The following RBFOX1 variants were observed in gnomAD, a reference collection of about 807,000 sequenced individuals.
RBFOX1 encodes RNA binding fox-1 homolog 1, also known as RNA binding protein fox-1 homolog 1.
A neutral mutation model predicts 57.7 loss-of-function variants in RBFOX1; 8 were observed. The ratio of observed to expected loss-of-function variants is 0.14; its 90% confidence interval spans 0.08 to 0.25. The LOEUF (loss-of-function observed/expected upper bound fraction) is 0.25. Ranked by LOEUF, RBFOX1 falls within the 10% of genes least tolerant of loss-of-function variation. The pLI, the probability that RBFOX1 is intolerant of heterozygous loss-of-function variation, is 1.00. For missense variants in RBFOX1, 611 were observed against 548.5 expected, an observed-to-expected ratio of 1.11 and a Z score of -1.14; for synonymous variants, 326 against 222.4, an observed-to-expected ratio of 1.47 and a Z score of -4.15.
At chr16:7,094,777 G>GT (rs1567232668) in intron 4 of RBFOX1, among the ~76,000 whole-genome samples, 20 of 53,604 alleles carry the variant, frequency 3.7e-4, no homozygotes, top group Admixed American at 1.8e-3. Flanking sequence ...TGTGTGTGTG[G>GT]GTGTGTGTGT....
At position 5,897,600 on chromosome 16, in the gene RBFOX1, T is replaced by A. The variant is rs372692902; in HGVS notation, c.351+30265T>A. Among the ~76,000 whole-genome samples, 5 of 152,310 alleles carry A rather than the reference T, an allele frequency of 3.3e-5. 1 individual carries two copies. The East Asian group carries it at 5.8e-4, about 18-fold the overall frequency. ...AAAGAGAAACTCTGTGTTAGCAGGATGTGGTTCAGCACCTGGGAAACCAAG... is the reference window on the plus strand; with the variant it reads ...AAAGAGAAACTCTGTGTTAGCAGGAAGTGGTTCAGCACCTGGGAAACCAAG... On this transcript the variant is annotated intron_variant, in intron 4 of 19. Transcript: ENST00000641259.
chr16:5,576,527 T>G (rs2046462544), intron 2 of RBFOX1, among the ~76,000 whole-genome samples: 1 of 152,232 alleles, frequency 6.6e-6, no homozygotes, highest in Admixed American at 6.5e-5. Context: ...AGTGATAATT[T>G]CCCAGATGAA....
intron 4 of RBFOX1, among the ~76,000 whole-genome samples, chr16:7,465,120 T>C (rs2150699542): frequency 6.6e-6 from 1 of 152,326 alleles, no homozygotes. Flanking sequence ...CCCCAAGTTA[T>C]TTTCTACGTC....
Position 6,487,912 on chromosome 16 carries a change from C to T in RBFOX1, c.-63-166691C>T, listed in dbSNP as rs571956186. On this transcript the variant is annotated intron_variant, in intron 2 of 15. Transcript: ENST00000550418. ...ACACTAATTAGTAGTCAAAACCAGC[C>T]GCTTTAATGATCTGTAGTTTTTGGT... Among the ~76,000 whole-genome samples the T allele has an allele frequency of 1.6e-3, 250 of 151,628 alleles. 1 individual carries two copies. The highest frequency in any genetic ancestry group is 5.5e-3 in the African/African-American group (226 of 41,272).
chr16:6,391,933 A>G (rs2092623241), intron 2 of RBFOX1, among the ~76,000 whole-genome samples: 1 of 152,212 alleles, frequency 6.6e-6, no homozygotes, highest in Non-Finnish European at 1.5e-5. Flanking sequence ...AGAGTGAATA[A>G]GTCTTTCAGA....
intron 3 of RBFOX1, among the ~76,000 whole-genome samples, chr16:6,849,189 G>C (rs2093932185): frequency 6.6e-6 from 1 of 152,166 alleles, no homozygotes; most frequent in Non-Finnish European, 1.5e-5. Flanking sequence ...GAATGTAGAG[G>C]AAAAATTATC....
At chr16:5,392,210 A>C (rs2066431254) in intron 1 of RBFOX1, among the ~76,000 whole-genome samples, 1 of 152,124 alleles carries the variant, frequency 6.6e-6, no homozygotes, top group Non-Finnish European at 1.5e-5. Flanking sequence ...GGGTGCACCA[A>C]AACCTCACAA....
chr16:7,677,159 A>ACACACC (rs1568412758), intron 14 of RBFOX1, among the ~76,000 whole-genome samples: 1 of 151,324 alleles, frequency 6.6e-6, no homozygotes, highest in African/African-American at 2.4e-5. Flanking sequence ...ACACACACAC[A>ACACACC]CCGTACAACC....
At chr16:6,946,607 G>A (rs894750753) in intron 3 of RBFOX1, among the ~76,000 whole-genome samples, 1 of 151,954 alleles carries the variant, frequency 6.6e-6, no homozygotes, top group African/African-American at 2.4e-5. Flanking sequence ...TTTTTTTGAG[G>A]GGGAAGGTAG....
intron 1 of RBFOX1, among the ~76,000 whole-genome samples, chr16:6,133,828 A>G (rs117028714): frequency 0.028 from 4,288 of 152,252 alleles, 85 homozygotes; most frequent in Non-Finnish European, 0.046. Flanking sequence ...GCCCCAAGCA[A>G]TAGTACACAC....
At chr16:7,207,952 T>G (rs11865047) in intron 4 of RBFOX1, among the ~76,000 whole-genome samples, 15,007 of 152,206 alleles carry the variant, frequency 0.099, 801 homozygotes, top group African/African-American at 0.11. Context: ...CTGGGGAAGC[T>G]TCTCAGTTAC....
At chr16:6,235,579 T>C (rs909920653) in intron 1 of RBFOX1, among the ~76,000 whole-genome samples, 82 of 151,662 alleles carry the variant, frequency 5.4e-4, no homozygotes, top group African/African-American at 1.9e-3. Flanking sequence ...TGTGTGTGTG[T>C]GTGTGTGTGT....
rs533428267 is a variant in RBFOX1, at chr16:7,668,618, G to T, written c.930+3650G>T. ...GGGGTTGTCTGAGAATGGAGGGTAGGAATGATCTTTATCTGAGTCCCTTCT... is the reference window on the plus strand; with the variant it reads ...GGGGTTGTCTGAGAATGGAGGGTAGTAATGATCTTTATCTGAGTCCCTTCT... On this transcript the variant is annotated intron_variant, in intron 13 of 15. Transcript: ENST00000550418. Among the ~76,000 whole-genome samples the T allele has an allele frequency of 6.6e-5, 10 of 151,924 alleles. No homozygotes were observed. In the South Asian group the frequency reaches 1.5e-3, roughly 22 times the overall value.
intron 4 of RBFOX1, among the ~76,000 whole-genome samples, chr16:5,923,035 A>C (rs1481345171): frequency 5.3e-5 from 8 of 151,782 alleles, no homozygotes; most frequent in Non-Finnish European, 1.2e-4. Context: ...TTCCCAGGGG[A>C]CTCTCCACAA....
intron 3 of RBFOX1, among the ~76,000 whole-genome samples, chr16:5,631,072 G>A (rs185740991): frequency 1.0e-3 from 153 of 152,292 alleles, no homozygotes; most frequent in African/African-American, 3.6e-3. Context: ...TCCCCAAAAC[G>A]TGACTGTTGG....
At chr16:6,253,469 C>T (rs2097638322) in intron 1 of RBFOX1, among the ~76,000 whole-genome samples, 1 of 152,100 alleles carries the variant, frequency 6.6e-6, no homozygotes, top group Admixed American at 6.6e-5. Context: ...GCTCGTTTTC[C>T]AAAGTCACAT....
In RBFOX1 at chr16:7,187,514, C is replaced by A. The variant is rs374454656; in HGVS notation, c.27+135416C>A. 9.3e-5 allele frequency among the ~76,000 whole-genome samples: 14 copies of A among 150,906 alleles called. No homozygotes were observed. The East Asian group carries it at 2.0e-3, about 21-fold the overall frequency. ...ACCATCCTGGCTAACACAGTGAAAC[C>A]CCATCTCTACTAAAAATACAAAAAA... On this transcript the variant is annotated intron_variant, in intron 4 of 15. Coordinates refer to ENST00000550418, the MANE Select transcript of RBFOX1 (RefSeq NM_018723.4).
chr16:5,899,212 G>A (rs12446807), intron 4 of RBFOX1, among the ~76,000 whole-genome samples: 3 of 150,778 alleles, frequency 2.0e-5, no homozygotes, highest in Non-Finnish European at 4.4e-5. Flanking sequence ...ACACTCTTCA[G>A]GTGTTGATAT....
At chr16:6,693,432 A>T (rs1468260146) in intron 3 of RBFOX1, among the ~76,000 whole-genome samples, 5 of 150,202 alleles carry the variant, frequency 3.3e-5, no homozygotes, top group African/African-American at 9.9e-5. Flanking sequence ...CATTATCAAC[A>T]TCCTCCTTCA....
Sources: gnomAD v4.1 joint callset for allele counts (sites outside exome capture counted in the v4.1 genomes callset) on GRCh38, gnomAD v4.1.1 for gene constraint, MANE v1.5 for transcripts, NCBI Gene and HGNC (gene_info 2026-07-23, HGNC 2026-07-21) for gene names.